The following GDI2 variants were observed in gnomAD, a reference collection of about 807,000 sequenced individuals.
The protein encoded by GDI2 is rab GDP dissociation inhibitor beta.
GDI2 carries 22 observed loss-of-function variants against 54.2 expected under a neutral mutation model. The observed-to-expected ratio is 0.41, with a 90% CI of 0.29 to 0.58. The LOEUF (loss-of-function observed/expected upper bound fraction) is 0.58. GDI2 is among the 20% of genes least tolerant of loss of function. The pLI is 0.35. For synonymous variants in GDI2, 177 were observed against 182.1 expected (o/e 0.97, Z 0.23); for missense variants, 422 against 546.0 (o/e 0.77, Z 2.26).
intron 1 of GDI2, among the ~76,000 whole-genome samples, chr10:5,801,251 C>A (rs1355505893): frequency 6.6e-6 from 1 of 152,138 alleles, no homozygotes; most frequent in African/African-American, 2.4e-5. Context: ...TCGTGCCCAG[C>A]CTAGTCACCT....
intron 6 of GDI2, among the ~76,000 whole-genome samples, chr10:5,777,612 G>T (rs897247565): frequency 5.9e-5 from 9 of 152,224 alleles, no homozygotes; most frequent in African/African-American, 2.4e-5. Context: ...CTGGAATGGT[G>T]ATCGTTAAAA....
intron 4 of GDI2, among the ~76,000 whole-genome samples, chr10:5,787,507 C>CAA (rs111933377): frequency 1.5e-5 from 2 of 129,758 alleles, no homozygotes; most frequent in African/African-American, 5.7e-5. Flanking sequence ...GACTCCGTCT[C>CAA]AAAAAAAAAA....
At chr10:5,783,503 G>A (rs909116164) in intron 6 of GDI2, among the ~76,000 whole-genome samples, 6 of 152,134 alleles carry the variant, frequency 3.9e-5, no homozygotes, top group African/African-American at 1.4e-4. Context: ...TTGTTTGCCT[G>A]AACACCTTGT....
Position 5,789,108 on chromosome 10 carries a change from AT to A in GDI2, c.389-3059del, listed in dbSNP as rs536633172. 1.1e-3 allele frequency among the ~76,000 whole-genome samples: 157 copies of A among 140,896 alleles called. 1 individual carries two copies. Among genetic ancestry groups the A allele is most frequent in the South Asian group, 7.4e-3 (33 of 4,478 alleles). The allele number at this position is 140,896 out of a possible 152,430, so 92.4% of individuals were successfully genotyped here. ...TCAGTTCTACGTTTTATTTTACTTG[AT>A]TTTTTTTTTTTCCTTTTTGAGATGA... On this transcript the variant is annotated intron_variant, in intron 4 of 10. Transcript: ENST00000380191.
At chr10:5,802,086 GA>G (rs1195282802) in intron 1 of GDI2, among the ~76,000 whole-genome samples, 8 of 152,236 alleles carry the variant, frequency 5.3e-5, no homozygotes, top group Middle Eastern at 3.4e-3. Context: ...GAAAAAATGG[GA>G]AGAATACAGA....
At chr10:5,785,750 A>C (rs1178744902) in intron 5 of GDI2, 102 bp downstream of exon 5, 3 of 727,772 alleles carry the variant, frequency 4.1e-6, no homozygotes, top group Non-Finnish European at 7.1e-6. Flanking sequence ...TCATAGTGCA[A>C]TATGGCTAAG....
At position 5,776,566 on chromosome 10, in the gene GDI2, G is replaced by C. The variant is rs577457416; in HGVS notation, c.720-2625C>G. 1.1e-5 allele frequency: 17 copies of C among 1,566,864 alleles called. No homozygotes were observed. Among genetic ancestry groups the C allele is most frequent in the Non-Finnish European group, 1.4e-5 (16 of 1,140,648 alleles). On this transcript the variant is annotated intron_variant, in intron 6 of 10. Transcript: ENST00000380191. This position sits in a 1 kb window ranked among gnomAD's most constrained non-coding sequence, Gnocchi z 5.3. ...GGCATGTGGAATTCCTTGTGGCTGA[G>C]AATGAAAGATTAAGGAAAGAAAATA...
At chr10:5,796,406 T>A (rs1223762281) in intron 3 of GDI2, among the ~76,000 whole-genome samples, 2 of 149,950 alleles carry the variant, frequency 1.3e-5, no homozygotes, top group African/African-American at 4.9e-5. Context: ...AATGTGAAAA[T>A]TTTAAAACCC....
intron 4 of GDI2, among the ~76,000 whole-genome samples, chr10:5,786,624 T>C (rs181193611): frequency 6.6e-6 from 1 of 152,234 alleles, no homozygotes; most frequent in African/African-American, 2.4e-5. Context: ...ATGAAAAATG[T>C]CAAATTATGT....
intron 6 of GDI2, among the ~76,000 whole-genome samples, chr10:5,778,468 T>G (rs933223015): frequency 6.6e-6 from 1 of 152,250 alleles, no homozygotes; most frequent in African/African-American, 2.4e-5. Flanking sequence ...GAGACACACC[T>G]TTCTAGATGA....
Position 5,800,604 on chromosome 10 carries a change from CA to C in GDI2, c.146del (p.Leu49TrpfsTer28). On this transcript the variant is annotated frameshift_variant, in exon 2 of 11. Transcript: ENST00000380191. LOFTEE classifies it high-confidence loss of function. ...AAATTTGACTAACACTTACATCTTC[CA>C]ATGGTGTTATAGATGCACTCTCTCC... ...YGGESASITP[L>X]EDLYKRFKIP... The C allele has an allele frequency of 6.8e-7, 1 of 1,474,920 alleles. No homozygotes were observed. Among genetic ancestry groups the C allele is most frequent in the Non-Finnish European group, 9.5e-7 (1 of 1,052,920 alleles). The allele number at this position is 1,474,920 out of a possible 1,614,324, so 91.4% of individuals were successfully genotyped here. A position where few individuals can be genotyped will look rare whatever the true frequency, so the allele number is the denominator to read the frequency against.
intron 4 of GDI2, among the ~76,000 whole-genome samples, chr10:5,790,024 A>G (rs1840976747): frequency 6.6e-6 from 1 of 152,256 alleles, no homozygotes; most frequent in Non-Finnish European, 1.5e-5. Context: ...CATATTTTTC[A>G]TCGTGTTTAG....
intron 1 of GDI2, among the ~76,000 whole-genome samples, chr10:5,802,835 T>C (rs1841299534): frequency 6.6e-6 from 1 of 152,146 alleles, no homozygotes; most frequent in Non-Finnish European, 1.5e-5. Flanking sequence ...AAAGAGGAAT[T>C]CAAAGTGCAA....
intron 6 of GDI2, among the ~76,000 whole-genome samples, chr10:5,784,021 C>T (rs1489142311): frequency 6.6e-6 from 1 of 152,178 alleles, no homozygotes; most frequent in Non-Finnish European, 1.5e-5. Flanking sequence ...CAATTAATCC[C>T]TCAAATTTGT....
chr10:5,787,655 C>T (rs898648314), intron 4 of GDI2, among the ~76,000 whole-genome samples: 23 of 152,230 alleles, frequency 1.5e-4, no homozygotes, highest in African/African-American at 5.1e-4. Context: ...ATTACCACAT[C>T]AGCACTATAC....
At chr10:5,812,992 C>A (rs77948341) in intron 1 of GDI2, among the ~76,000 whole-genome samples, 2,522 of 152,304 alleles carry the variant, frequency 0.017, 21 homozygotes, top group Middle Eastern at 0.041. Flanking sequence ...CGGCCCGCAT[C>A]TCCATTTCCC....
Position 5,766,864 on chromosome 10 carries a change from C to T in GDI2, c.992-226G>A, listed in dbSNP as rs57421423. Among the ~76,000 whole-genome samples the T allele has an allele frequency of 3.5e-3, 537 of 152,230 alleles. 3 individuals are homozygous for T. Among genetic ancestry groups the T allele is most frequent in the African/African-American group, 0.012 (511 of 41,528 alleles). ...TAGAGATTAAGAATTGAAGTGGTAG[C>T]GAACTGCTGAAGTTTGGAATGAGAT... On this transcript the variant is annotated intron_variant, in intron 8 of 10. Coordinates refer to ENST00000380191, the MANE Select transcript of GDI2 (RefSeq NM_001494.4). This position sits in a 1 kb window ranked among gnomAD's most constrained non-coding sequence, Gnocchi z 5.8.
At position 5,776,332 on chromosome 10, in the gene GDI2, C is replaced by T. The variant is rs1014662365; in HGVS notation, c.720-2391G>A. 7.9e-6 allele frequency: 5 copies of T among 635,192 alleles called. No homozygotes were observed. Among genetic ancestry groups the T allele is most frequent in the Non-Finnish European group, 1.4e-5 (5 of 345,612 alleles). 39.3% of individuals were successfully genotyped at this position (635,192 alleles called of 1,614,324 possible). ...GGATGTAGCTGCCCATCTCACAAAC[C>T]CTCTGCTGAGGATGCAGAGAGCCAG... On this transcript the variant is annotated intron_variant, in intron 6 of 10. Transcript: ENST00000380191. This position sits in a 1 kb window ranked among gnomAD's most constrained non-coding sequence, Gnocchi z 5.3.
chr10:5,797,237 C>G (rs1328290016), intron 2 of GDI2, among the ~76,000 whole-genome samples: 1 of 151,820 alleles, frequency 6.6e-6, no homozygotes, highest in African/African-American at 2.4e-5. Flanking sequence ...ATAGTGAAAC[C>G]CCGTCTCTAC....
Sources: allele counts gnomAD v4.1 joint callset (sites outside exome capture counted in the v4.1 genomes callset), GRCh38; gene constraint gnomAD v4.1.1; non-coding constraint Gnocchi (gnomAD v3.1); transcripts MANE v1.5; gene names NCBI Gene and HGNC (gene_info 2026-07-23, HGNC 2026-07-21).